The following TMC2 variants were observed in gnomAD, a reference collection of about 807,000 sequenced individuals.
TMC2 encodes the protein transmembrane channel like 2.
Under a neutral mutation model 105.9 loss-of-function variants are expected in TMC2, and 102 were observed. The observed-to-expected ratio is 0.96, with a 90% CI of 0.82 to 1.14. TMC2 has a LOEUF of 1.14. Ranked by LOEUF, TMC2 falls within the 50% of genes most tolerant of loss-of-function variation. The pLI is 0.00. For missense variants in TMC2, 1,093 were observed against 1,134.3 expected (o/e 0.96, Z 0.52); for synonymous variants, 402 against 422.8 (o/e 0.95, Z 0.60).
chr20:2,573,163 C>A (rs2086115355), intron 5 of TMC2, among the ~76,000 whole-genome samples: 1 of 152,154 alleles, frequency 6.6e-6, no homozygotes, highest in South Asian at 2.1e-4. Context: ...AATGTCTTGG[C>A]TGTCTTGCCC....
intron 12 of TMC2, among the ~76,000 whole-genome samples, chr20:2,610,816 T>G (rs1219888337): frequency 6.6e-6 from 1 of 152,216 alleles, no homozygotes; most frequent in African/African-American, 2.4e-5. Flanking sequence ...TCTGGTTGTC[T>G]TTTTTCACAT....
intron 16 of TMC2, among the ~76,000 whole-genome samples, chr20:2,621,735 G>T (rs535004830): frequency 8.5e-5 from 13 of 152,154 alleles, no homozygotes; most frequent in Non-Finnish European, 1.6e-4. Context: ...TGAGGTTGGT[G>T]ATTCTTTCTT....
rs189603849 is a variant in TMC2 at position 2,538,551 on chromosome 20, C to T, written c.82+1235C>T. 2.0e-4 allele frequency among the ~76,000 whole-genome samples: 30 copies of T among 152,286 alleles called. No homozygotes were observed. In the South Asian group the frequency reaches 5.6e-3, roughly 28 times the overall value. ...ACTCCCCTCGTAGTCATCCAGATGC[C>T]GTCCCTTCCGCACCCAGCCTGGCCT... is the stretch of plus-strand genomic sequence containing the variant. On this transcript the variant is annotated intron_variant, in intron 2 of 19. Transcript: ENST00000358864.
intron 2 of TMC2, among the ~76,000 whole-genome samples, chr20:2,546,483 G>GTTGGGCATAAGCTGAGGATC (rs1555770074): frequency 1.3e-5 from 2 of 149,774 alleles, no homozygotes; most frequent in Non-Finnish European, 3.0e-5. Context: ...AACCTGCAGA[G>GTTGGGCATAAGCTGAGGATC]TTGGGCATAA....
Position 2,635,981 on chromosome 20 carries a change from CA to C in TMC2, c.2363del (p.Gln788ArgfsTer2), listed in dbSNP as rs1163353632. On this transcript the variant is annotated frameshift_variant, in exon 18 of 20. Coordinates refer to ENST00000358864, the MANE Select transcript of TMC2 (RefSeq NM_080751.3). LOFTEE classifies it high-confidence loss of function. ...VSKSLSRANA[Q>X]LRKKIQVLRE... Reference sequence around the variant, plus strand: ...CAAAAGCCTTTCCCGAGCTAATGCCCAGCTGAGGAAGAAAATCCAAGTGGTG... The same window carrying C: ...CAAAAGCCTTTCCCGAGCTAATGCCCGCTGAGGAAGAAAATCCAAGTGGTG... The C allele has an allele frequency of 6.2e-7, 1 of 1,613,988 alleles. No homozygotes were observed. Among genetic ancestry groups the C allele is most frequent in the African/African-American group, 1.3e-5 (1 of 74,904 alleles).
intron 2 of TMC2, among the ~76,000 whole-genome samples, chr20:2,544,270 C>T (rs2085910021): frequency 6.6e-6 from 1 of 152,040 alleles, no homozygotes; most frequent in South Asian, 2.1e-4. Context: ...TGAATGATGG[C>T]AGCAGTGCAG....
intron 13 of TMC2, 137 bp downstream of exon 13, chr20:2,612,477 A>T (rs2146239841): frequency 1.2e-6 from 1 of 863,086 alleles, no homozygotes; most frequent in Non-Finnish European, 1.6e-6. Flanking sequence ...ATCATCTAGG[A>T]GGAAATAAAA....
chr20:2,633,035 T>C (rs1226299633), intron 17 of TMC2, among the ~76,000 whole-genome samples: 2 of 152,226 alleles, frequency 1.3e-5, no homozygotes, highest in African/African-American at 4.8e-5. Flanking sequence ...TTAATAACTT[T>C]TCTGAACTAA....
intron 12 of TMC2, among the ~76,000 whole-genome samples, chr20:2,611,426 T>C (rs1439949440): frequency 6.6e-6 from 1 of 152,182 alleles, no homozygotes; most frequent in Non-Finnish European, 1.5e-5. Flanking sequence ...AGGAGACTGC[T>C]CTACCCTCCT....
intron 11 of TMC2, among the ~76,000 whole-genome samples, chr20:2,604,595 G>A (rs1417472306): frequency 6.6e-6 from 1 of 152,034 alleles, no homozygotes; most frequent in Non-Finnish European, 1.5e-5. Flanking sequence ...TTGTATGCTA[G>A]TAAGATGACT....
intron 5 of TMC2, among the ~76,000 whole-genome samples, chr20:2,574,354 G>T (rs2086127662): frequency 6.6e-6 from 1 of 152,214 alleles, no homozygotes; most frequent in South Asian, 2.1e-4. Context: ...GTGTATGCAT[G>T]TGCAGTATCT....
intron 16 of TMC2, among the ~76,000 whole-genome samples, chr20:2,622,850 T>C (rs2086535349): frequency 6.6e-6 from 1 of 152,166 alleles, no homozygotes; most frequent in Non-Finnish European, 1.5e-5. Flanking sequence ...CACTCAATGT[T>C]TTATATCAAT....
At chr20:2,587,539 T>TA (rs397820230) in intron 7 of TMC2, among the ~76,000 whole-genome samples, 10 of 150,658 alleles carry the variant, frequency 6.6e-5, no homozygotes, top group Non-Finnish European at 1.3e-4. Context: ...TGTTTTTTTT[T>TA]ATTATTCTCT....
At chr20:2,570,762 A>T (rs1308372098) in intron 4 of TMC2, among the ~76,000 whole-genome samples, 2 of 152,234 alleles carry the variant, frequency 1.3e-5, no homozygotes, top group Non-Finnish European at 2.9e-5. Flanking sequence ...CTATGAGGCT[A>T]CAGTAACGAA....
intron 3 of TMC2, among the ~76,000 whole-genome samples, chr20:2,560,078 C>T (rs912707778): frequency 6.6e-6 from 1 of 152,062 alleles, no homozygotes; most frequent in South Asian, 2.1e-4. Context: ...CTTGATGGAG[C>T]GCTGAATTCC....
At position 2,562,626 on chromosome 20, in the gene TMC2, C is replaced by T. The variant is rs148753313; in HGVS notation, c.554+616C>T. ...GGTTTCCATGCAAAAGGCTGATGCA[C>T]GGAGCATTTGATGATTCTGGGGTCT... On this transcript the variant is annotated intron_variant, in intron 4 of 19. Transcript: ENST00000358864. 3.5e-3 allele frequency among the ~76,000 whole-genome samples: 531 copies of T among 152,280 alleles called. 5 individuals are homozygous for T. The highest frequency in any genetic ancestry group is 0.012 in the African/African-American group (492 of 41,562).
chr20:2,613,690 G>A (rs1015068359), intron 14 of TMC2: 1 of 334,418 alleles, frequency 3.0e-6, no homozygotes, highest in Non-Finnish European at 5.8e-6. Context: ...GAATATTTCA[G>A]GAAGTCCTGG....
chr20:2,555,825 T>C (rs1400213319), intron 2 of TMC2, among the ~76,000 whole-genome samples: 1 of 152,220 alleles, frequency 6.6e-6, no homozygotes, highest in Non-Finnish European at 1.5e-5. Context: ...TTTTACTTTT[T>C]AAAAAAGGTT....
At chr20:2,608,830 T>C (rs1028512499) in intron 11 of TMC2, among the ~76,000 whole-genome samples, 1 of 152,270 alleles carries the variant, frequency 6.6e-6, no homozygotes, top group Non-Finnish European at 1.5e-5. Context: ...TTTGTAATGA[T>C]TAACTTATTA....
Sources: gnomAD v4.1 joint callset for allele counts (sites outside exome capture counted in the v4.1 genomes callset) on GRCh38, gnomAD v4.1.1 for gene constraint, MANE v1.5 for transcripts, NCBI Gene and HGNC (gene_info 2026-07-23, HGNC 2026-07-21) for gene names.